DAGLB: variants seen among roughly 807,000 people sequenced by gnomAD.
DAGLB encodes the protein diacylglycerol lipase beta, also known as diacylglycerol lipase-beta.
DAGLB carries 66 observed loss-of-function variants against 72.1 expected under a neutral mutation model. The ratio of observed to expected loss-of-function variants is 0.92; its 90% CI spans 0.75 to 1.12. The LOEUF is 1.12. Among genes scored for constraint, DAGLB ranks in the 50% most tolerant of loss-of-function variants. DAGLB has a pLI of 0.00. For missense variants in DAGLB, 1,065 were observed against 884.9 expected (o/e 1.20, Z -2.58); for synonymous variants, 414 against 359.5 (o/e 1.15, Z -1.71).
In DAGLB at chr7:6,447,861, C is replaced by G. The variant is rs1785061696; in HGVS notation, c.-19G>C. On this transcript the variant is annotated 5_prime_UTR_variant, in exon 1 of 15. Transcript: ENST00000297056. The stretch of plus-strand genomic sequence containing the variant: ...CCGGCATGGCGAAGGTCCCGTAGCT[C>G]GCACTCAGGAGAGACCCCGCGCGCC... The G allele has an allele frequency of 1.2e-6, 2 of 1,601,958 alleles. No individual in the cohort carries two copies. The highest frequency in any genetic ancestry group is 1.7e-5 in the Admixed American group (1 of 57,822).
intron 5 of DAGLB, among the ~76,000 whole-genome samples, chr7:6,432,297 T>C (rs1467545494): frequency 1.3e-5 from 2 of 148,292 alleles, no homozygotes; most frequent in Non-Finnish European, 3.0e-5. Context: ...GGTGAGCCAA[T>C]TGTGTCATTG....
At position 6,416,738 on chromosome 7, in the gene DAGLB, A is replaced by G. The variant is rs148790894; in HGVS notation, c.1316T>C (p.Ile439Thr). The part of the protein sequence containing the change: ...FSIAPEYRLV[I>T]VGHSLGGGAA... ...CCCGCCCCCGAGGCTGTGGCCCACT[A>G]TGACCAGCCGGTACTCCTAGAGGAC... is the stretch of plus-strand genomic sequence containing the variant. Residue 439 changes from isoleucine (I) to threonine (T), a missense_variant, in exon 11 of 15, where the codon ATA becomes ACA. Coordinates refer to ENST00000297056, the MANE Select transcript of DAGLB (RefSeq NM_139179.4). The G allele has an allele frequency of 5.0e-6, 8 of 1,613,696 alleles. No individual in the cohort carries two copies. In the African/African-American group the frequency reaches 1.1e-4, roughly 22 times the overall value.
At position 6,436,374 on chromosome 7, in the gene DAGLB, G is replaced by T. The variant is rs200964666; in HGVS notation, c.407C>A (p.Thr136Asn). 3 of 1,609,030 alleles carry T rather than the reference G, an allele frequency of 1.9e-6. No homozygotes were observed. The highest frequency in any genetic ancestry group is 4.5e-5 in the East Asian group (2 of 44,842). Residue 136 changes from threonine (T) to asparagine (N), a missense_variant, in exon 3 of 15, where the codon ACC becomes AAC. Coordinates refer to ENST00000297056, the MANE Select transcript of DAGLB (RefSeq NM_139179.4). ...DRTVVNGIIATVVVSWIIIAA... is the reference protein window; with the variant it reads ...DRTVVNGIIANVVVSWIIIAA... ...AGGGAGATGTCACCTGACCACGACG[G>T]TTGCGATGATGCCGTTTACAACTGT...
chr7:6,445,945 C>A lies in DAGLB; in HGVS notation c.247+8G>T. The A allele has an allele frequency of 6.3e-7, 1 of 1,579,792 alleles. No homozygotes were observed. Among genetic ancestry groups the A allele is most frequent in the Non-Finnish European group, 8.6e-7 (1 of 1,165,986 alleles). On this transcript the variant is annotated splice_region_variant and intron_variant, in intron 2 of 14. Coordinates refer to ENST00000297056, the MANE Select transcript of DAGLB (RefSeq NM_139179.4). Reference sequence around the variant, plus strand: ...AATAGGTATCAAATAGAAAAGGCTACTTTTTACCTCTCATGCTGACACACA... The same window carrying A: ...AATAGGTATCAAATAGAAAAGGCTAATTTTTACCTCTCATGCTGACACACA...
chr7:6,439,721 CA>C (rs1784767143), intron 2 of DAGLB, among the ~76,000 whole-genome samples: 1 of 152,130 alleles, frequency 6.6e-6, no homozygotes, highest in Admixed American at 6.6e-5. Context: ...CCACAAGGTG[CA>C]ACAGTGGGAT....
rs111824512 is a variant in DAGLB at position 6,414,819 on chromosome 7, GA to G, written c.1428-1786del. Among the ~76,000 whole-genome samples, 1,281 of 148,480 alleles carry G rather than the reference GA, an allele frequency of 8.6e-3. 24 individuals are homozygous for G. Among genetic ancestry groups the G allele is most frequent in the African/African-American group, 0.03 (1,224 of 40,528 alleles). On this transcript the variant is annotated intron_variant, in intron 11 of 14. Transcript: ENST00000297056. ...CGGTTGATTCCAGATATGGACGATG[GA>G]AAAAAAAAATACTTGCTCATTTCAA...
intron 13 of DAGLB, among the ~76,000 whole-genome samples, chr7:6,411,361 C>T (rs1360244747): frequency 6.6e-6 from 1 of 152,134 alleles, no homozygotes; most frequent in Non-Finnish European, 1.5e-5. Flanking sequence ...GTGGCTCACA[C>T]CTGTAATCCC....
At chr7:6,432,767 C>T in intron 5 of DAGLB, 70 bp downstream of exon 5, 2 of 1,534,022 alleles carry the variant, frequency 1.3e-6, no homozygotes, top group Admixed American at 2.0e-5. Flanking sequence ...TATAGGTTAG[C>T]TGTATGATTC....
intron 9 of DAGLB, among the ~76,000 whole-genome samples, chr7:6,421,339 A>G (rs1217593442): frequency 7.1e-6 from 1 of 140,062 alleles, no homozygotes; most frequent in East Asian, 2.3e-4. Context: ...GCAGCGCGGG[A>G]GGCGCAGGCA....
intron 3 of DAGLB, 125 bp downstream of exon 3, chr7:6,436,237 A>G: frequency 7.9e-7 from 1 of 1,261,526 alleles, no homozygotes. Flanking sequence ...TTACGCAGAA[A>G]CTAACTCCAA....
rs760030338 is a variant in DAGLB, at chr7:6,424,852, C to A, written c.1057-17G>T. Reference sequence around the variant, plus strand: ...CTCGTAAACCTGCAGGAGCAAGAAACAAGCATGGGGCCTAAACAGTGAACA... The same window carrying A: ...CTCGTAAACCTGCAGGAGCAAGAAAAAAGCATGGGGCCTAAACAGTGAACA... On this transcript the variant is annotated splice_polypyrimidine_tract_variant and intron_variant, in intron 7 of 14. Transcript: ENST00000297056. The A allele has an allele frequency of 1.9e-6, 3 of 1,612,844 alleles. No homozygotes were observed. In the South Asian group the frequency reaches 3.3e-5, roughly 18 times the overall value.
At chr7:6,433,530 T>C (rs1583296461) in intron 4 of DAGLB, among the ~76,000 whole-genome samples, 1 of 152,202 alleles carries the variant, frequency 6.6e-6, no homozygotes, top group Admixed American at 6.5e-5. Flanking sequence ...CTCCGGGTAC[T>C]TGTAGCCCGT....
chr7:6,422,044 C>T (rs555876417), intron 8 of DAGLB: 4 of 630,014 alleles, frequency 6.3e-6, no homozygotes, highest in Non-Finnish European at 1.2e-5. Flanking sequence ...ATGGAGTGTG[C>T]CTAAGACACG....
In DAGLB at chr7:6,444,831, G is replaced by A. The variant is rs550894680; in HGVS notation, c.247+1122C>T. ...TGAGGCAGGAGAATCACTTGAACCC[G>A]GGAGGCAGAGGTTACAGTGAGCCGA... On this transcript the variant is annotated intron_variant, in intron 2 of 14. Coordinates refer to ENST00000297056, the MANE Select transcript of DAGLB (RefSeq NM_139179.4). Among the ~76,000 whole-genome samples the A allele has an allele frequency of 5.9e-5, 9 of 152,076 alleles. No individual in the cohort carries two copies. The South Asian group carries it at 1.0e-3, about 18-fold the overall frequency.
intron 6 of DAGLB, among the ~76,000 whole-genome samples, 193 bp downstream of exon 6, chr7:6,430,287 G>C (rs1014155860): frequency 5.5e-5 from 5 of 90,204 alleles, no homozygotes; most frequent in Admixed American, 1.0e-4. Context: ...ATATATGCAG[G>C]GGGGAGGGAG....
intron 11 of DAGLB, among the ~76,000 whole-genome samples, chr7:6,413,241 C>T (rs772050079): frequency 3.9e-5 from 6 of 152,178 alleles, no homozygotes; most frequent in Admixed American, 6.5e-5. Context: ...TCAACAGAGA[C>T]GCCCCGCAGC....
intron 13 of DAGLB, among the ~76,000 whole-genome samples, chr7:6,410,880 A>ATTTTT (rs35960882): frequency 5.1e-5 from 5 of 98,230 alleles, no homozygotes; most frequent in Non-Finnish European, 5.7e-5. Context: ...AATTTTTTGT[A>ATTTTT]TTTTTTTTTT....
At chr7:6,424,362 G>T (rs752597331) in intron 8 of DAGLB, among the ~76,000 whole-genome samples, 1 of 152,114 alleles carries the variant, frequency 6.6e-6, no homozygotes, top group Non-Finnish European at 1.5e-5. Flanking sequence ...TGGTGGCCAG[G>T]GGCGTGACTC....
chr7:6,436,969 G>C (rs58697275), intron 2 of DAGLB, among the ~76,000 whole-genome samples: 3,501 of 151,920 alleles, frequency 0.023, 140 homozygotes, highest in African/African-American at 0.08. Flanking sequence ...GGCCAACATG[G>C]TGAAACCTCA....
Sources: allele counts gnomAD v4.1 joint callset (sites outside exome capture counted in the v4.1 genomes callset), GRCh38; gene constraint gnomAD v4.1.1; transcripts MANE v1.5; gene names NCBI Gene and HGNC (gene_info 2026-07-23, HGNC 2026-07-21).